The following MAF variants were observed in gnomAD, a reference collection of about 807,000 sequenced individuals.
The protein encoded by MAF is MAF bZIP transcription factor, also known as transcription factor Maf.
In MAF, 10 loss-of-function variants were observed where a neutral mutation model predicts 22.0. That is an observed-to-expected ratio of 0.45 (90% CI 0.28 to 0.77). The LOEUF (loss-of-function observed/expected upper bound fraction) is 0.77, where lower values mean the gene tolerates loss of function less well. Among genes scored for constraint, MAF ranks in the 30% least tolerant of loss-of-function variants. The pLI is 0.12. For synonymous variants in MAF, 337 were observed against 255.8 expected (o/e 1.32, Z -3.03); for missense variants, 544 against 548.4 (o/e 0.99, Z 0.08).
At chr16:79,477,707 G>T in the MAF span, among the ~76,000 whole-genome samples, 1 of 151,888 alleles carries the variant, frequency 6.6e-6, no homozygotes, top group Non-Finnish European at 1.5e-5. Context: ...AATTCATTGT[G>T]GAATTAAGTG....
chr16:79,471,628 G>T, the MAF span, among the ~76,000 whole-genome samples: 5 of 152,194 alleles, frequency 3.3e-5, no homozygotes, highest in African/African-American at 1.2e-4. Flanking sequence ...AGTGAGCTGA[G>T]ATCATGCCAT....
chr16:79,423,273 C>G, the MAF span, among the ~76,000 whole-genome samples: 5 of 152,054 alleles, frequency 3.3e-5, no homozygotes, highest in East Asian at 9.6e-4. Context: ...TGAACCTGTT[C>G]TAGGGAGAGG....
At chr16:79,329,491 T>C in the MAF span, among the ~76,000 whole-genome samples, 26 of 152,206 alleles carry the variant, frequency 1.7e-4, no homozygotes, top group African/African-American at 2.4e-4. Flanking sequence ...AAGAGGGAAA[T>C]TGTTGCATTG....
chr16:79,345,996 A>G, the MAF span, among the ~76,000 whole-genome samples: 1 of 152,140 alleles, frequency 6.6e-6, no homozygotes, highest in African/African-American at 2.4e-5. Flanking sequence ...AACATAAATC[A>G]GCAGCTTTTC....
At chr16:79,331,005 T>C in the MAF span, among the ~76,000 whole-genome samples, 1 of 152,168 alleles carries the variant, frequency 6.6e-6, no homozygotes, top group African/African-American at 2.4e-5. Flanking sequence ...TGTAAAGCTG[T>C]AAAACAAGGA....
chr16:79,300,905 C>G, the MAF span, among the ~76,000 whole-genome samples: 2 of 151,414 alleles, frequency 1.3e-5, no homozygotes, highest in African/African-American at 2.4e-5. Flanking sequence ...TTTATACAAA[C>G]CAAAATGCTT....
the MAF span, among the ~76,000 whole-genome samples, chr16:79,331,650 T>A: frequency 6.6e-6 from 1 of 152,178 alleles, no homozygotes; most frequent in Non-Finnish European, 1.5e-5. Flanking sequence ...GCCACAGACA[T>A]CCTTTAAATG....
the MAF span, among the ~76,000 whole-genome samples, chr16:79,446,325 G>C: frequency 6.6e-6 from 1 of 152,098 alleles, no homozygotes; most frequent in Non-Finnish European, 1.5e-5. Context: ...CTTGTCCTCT[G>C]TGCTTCTTCT....
chr16:79,521,504 G>C, the MAF span, among the ~76,000 whole-genome samples: 3 of 152,180 alleles, frequency 2.0e-5, no homozygotes, highest in African/African-American at 7.2e-5. Context: ...TCCTGTGGTG[G>C]ACTTCGGAAT....
chr16:79,587,328 A>C (rs1912907465), intron 1 of MAF, among the ~76,000 whole-genome samples: 1 of 152,174 alleles, frequency 6.6e-6, no homozygotes, highest in Non-Finnish European at 1.5e-5. Flanking sequence ...CAAGAAACAG[A>C]CTGAAGTGAT....
the MAF span, among the ~76,000 whole-genome samples, chr16:79,273,893 T>C: frequency 4.6e-5 from 7 of 152,150 alleles, no homozygotes; most frequent in African/African-American, 1.7e-4. Context: ...TAGTATTCTG[T>C]CTGCCATAGC....
rs1323954068 is a variant in MAF, at chr16:79,599,613, T to A, written c.290A>T (p.Tyr97Phe). The change falls in exon 1 of 2, where the codon TAC becomes TTC. Residue 97 changes from tyrosine to phenylalanine, a missense_variant. This residue lies in a region of MAF where 342 missense variants were observed against 315.5 expected (regional missense o/e 1.08). Transcript: ENST00000326043. Reference protein sequence around the residue: ...HLEDYYWMTGYPQQLNPEALG... With the variant: ...HLEDYYWMTGFPQQLNPEALG... ...CGCCTCGGGGTTCAGCTGCTGCGGG[T>A]AGCCGGTCATCCAGTAGTAGTCTTC... 1.9e-6 allele frequency: 3 copies of A among 1,610,464 alleles called. No homozygotes were observed. In the South Asian group the frequency reaches 3.3e-5, roughly 18 times the overall value.
chr16:79,242,826 C>G, the MAF span, among the ~76,000 whole-genome samples: 1 of 151,880 alleles, frequency 6.6e-6, no homozygotes, highest in Admixed American at 6.6e-5. Flanking sequence ...TCAGCAAATG[C>G]AAAATAATGG....
At chr16:79,241,124 T>C in the MAF span, among the ~76,000 whole-genome samples, 2 of 152,068 alleles carry the variant, frequency 1.3e-5, no homozygotes, top group African/African-American at 2.4e-5. Flanking sequence ...AAAACCAGAA[T>C]GCCTCTTCTC....
the MAF span, among the ~76,000 whole-genome samples, chr16:79,555,256 A>G: frequency 6.6e-6 from 1 of 152,230 alleles, no homozygotes; most frequent in East Asian, 1.9e-4. Context: ...CCCAGTAAAT[A>G]ACTACTGCTT....
At chr16:79,248,553 A>G in the MAF span, among the ~76,000 whole-genome samples, 2 of 152,116 alleles carry the variant, frequency 1.3e-5, no homozygotes, top group African/African-American at 4.8e-5. Flanking sequence ...TCTGGTTTAC[A>G]TTTTCTGACA....
the MAF span, among the ~76,000 whole-genome samples, chr16:79,285,725 C>T: frequency 9.9e-5 from 15 of 152,234 alleles, no homozygotes; most frequent in Admixed American, 5.2e-4. Flanking sequence ...CAGAGGGCAC[C>T]GCAGGACTCA....
chr16:79,355,232 C>T, the MAF span, among the ~76,000 whole-genome samples: 17 of 152,320 alleles, frequency 1.1e-4, no homozygotes, highest in South Asian at 6.2e-4. Context: ...TGCTGGAAAA[C>T]GTATCTCACA....
chr16:79,534,452 G>C, the MAF span, among the ~76,000 whole-genome samples: 7 of 152,222 alleles, frequency 4.6e-5, no homozygotes, highest in African/African-American at 1.7e-4. Flanking sequence ...CCAAAGCTAA[G>C]CACTCACATA....
Sources: gnomAD v4.1 joint callset for allele counts (sites outside exome capture counted in the v4.1 genomes callset) on GRCh38, gnomAD v4.1.1 for gene constraint, gnomAD v4.1.1 regional missense constraint, MANE v1.5 for transcripts, NCBI Gene and HGNC (gene_info 2026-07-23, HGNC 2026-07-21) for gene names.